Variants in NUAK2 observed in about 807,000 individuals in gnomAD.
NUAK2 encodes NUAK family SNF1-like kinase 2.
Under a neutral mutation model 29.8 loss-of-function variants are expected in NUAK2, and 20 were observed. That is an observed-to-expected ratio of 0.67 (90% CI 0.47 to 0.98). NUAK2 has a LOEUF of 0.98. Ranked by LOEUF, NUAK2 falls within the 50% of genes least tolerant of loss-of-function variation. NUAK2 has a pLI of 0.00. For synonymous variants in NUAK2, 331 were observed against 342.6 expected (o/e 0.97, Z 0.37); for missense variants, 719 against 834.5 (o/e 0.86, Z 1.71).
rs1473343737 is a variant in NUAK2, at chr1:205,308,222, A to G, written c.513T>C (p.Val171=). ...TCTCCAGCTTGAGATCTCGGTGGAC[A>G]ACTCTGTTCTGAAAGAAGGAGAGGG... The part of the protein sequence containing the change: ...SAVHYCHQNR[V]VHRDLKLENI... The change falls in exon 4 of 7, where the codon GTT becomes GTC. Residue 171 remains valine, a synonymous_variant. Coordinates refer to ENST00000367157, the MANE Select transcript of NUAK2 (RefSeq NM_030952.3). The surrounding 1 kb of genome is among the most constrained non-coding windows in gnomAD (Gnocchi z 4.1). 1.2e-6 allele frequency: 2 copies of G among 1,600,922 alleles called. No homozygotes were observed. The highest frequency in any genetic ancestry group is 1.7e-6 in the Non-Finnish European group (2 of 1,174,270).
rs11589331 is a variant in NUAK2 at position 205,304,656 on chromosome 1, A to T, written c.824-143T>A. On this transcript the variant is annotated intron_variant, in intron 6 of 6. Coordinates refer to ENST00000367157, the MANE Select transcript of NUAK2 (RefSeq NM_030952.3). This position sits in a 1 kb window ranked among gnomAD's most constrained non-coding sequence, Gnocchi z 6.5. Reference sequence around the variant, plus strand: ...CGTCCCTTCCAACCTAGGGCTCTATACATGCCTTGGCCCAGGACAGCTCCC... The same window carrying T: ...CGTCCCTTCCAACCTAGGGCTCTATTCATGCCTTGGCCCAGGACAGCTCCC... 1 of 710,854 alleles carries T rather than the reference A, an allele frequency of 1.4e-6. No individual in the cohort carries two copies. The allele number at this position is 710,854 out of a possible 1,614,324, so 44.0% of individuals were successfully genotyped here. A position where few individuals can be genotyped will look rare whatever the true frequency, so the allele number is the denominator to read the frequency against.
chr1:205,315,495 G>C (rs1282262475), intron 1 of NUAK2, among the ~76,000 whole-genome samples: 4 of 152,212 alleles, frequency 2.6e-5, no homozygotes, highest in Non-Finnish European at 5.9e-5. Flanking sequence ...CATGGGTGAA[G>C]TCCACCTCGG....
At chr1:205,306,484 G>A (rs562205356) in intron 4 of NUAK2, among the ~76,000 whole-genome samples, 177 bp from the exon 5 acceptor site, 4 of 152,290 alleles carry the variant, frequency 2.6e-5, no homozygotes, top group Admixed American at 1.3e-4. Flanking sequence ...CTGGAAGAAC[G>A]AACCCTGAGG....
intron 5 of NUAK2, chr1:205,305,594 C>G: frequency 1.2e-6 from 1 of 829,262 alleles, no homozygotes; most frequent in Non-Finnish European, 1.5e-6. Flanking sequence ...CTACATCACT[C>G]TCAGGAGGCT....
Position 205,304,149 on chromosome 1 carries a change from G to C in NUAK2, c.1188C>G (p.Ala396=). 1 of 1,614,154 alleles carries C rather than the reference G, an allele frequency of 6.2e-7. No individual in the cohort carries two copies. Among genetic ancestry groups the C allele is most frequent in the Non-Finnish European group, 8.5e-7 (1 of 1,180,014 alleles). ...SLHSDTADDT[A]HRPGKSNLKL... ...TGAGGTTGCTCTTGCCAGGGCGATG[G>C]GCAGTGTCATCAGCCGTGTCACTGT... The change falls in exon 7 of 7, where the codon GCC becomes GCG. Residue 396 remains alanine (A), a synonymous_variant. Transcript: ENST00000367157. The surrounding 1 kb of genome is among the most constrained non-coding windows in gnomAD (Gnocchi z 6.5).
At position 205,308,113 on chromosome 1, in the gene NUAK2, A is replaced by T; in HGVS notation, c.570+52T>A. The stretch of plus-strand genomic sequence containing the variant: ...AGAGCTACTTGGCTGGGGACAGTGC[A>T]GAAAAGCTGGGGTGGGCAAGGAGGC... On this transcript the variant is annotated intron_variant, in intron 4 of 6. Transcript: ENST00000367157. This position sits in a 1 kb window ranked among gnomAD's most constrained non-coding sequence, Gnocchi z 4.1. The T allele has an allele frequency of 1.6e-6, 2 of 1,276,364 alleles. No individual in the cohort carries two copies. Among genetic ancestry groups the T allele is most frequent in the Non-Finnish European group, 2.3e-6 (2 of 878,882 alleles). The allele number at this position is 1,276,364 out of a possible 1,614,324, so 79.1% of individuals were successfully genotyped here.
Position 205,311,808 on chromosome 1 carries a change from G to T in NUAK2, c.249C>A (p.Ile83=). 1 of 1,613,998 alleles carries T rather than the reference G, an allele frequency of 6.2e-7. No homozygotes were observed. Among genetic ancestry groups the T allele is most frequent in the Non-Finnish European group, 8.5e-7 (1 of 1,180,006 alleles). ...SSGRLVAIKS[I]RKDKIKDEQD... ...GCTCATCTTTGATTTTGTCCTTCCG[G>T]ATTGACTTGATGGCCACCTGGGAAG... Residue 83 remains isoleucine, a synonymous_variant, in exon 2 of 7, where the codon ATC becomes ATA. Transcript: ENST00000367157.
intron 1 of NUAK2, among the ~76,000 whole-genome samples, chr1:205,318,312 G>A (rs1002560271): frequency 6.6e-6 from 1 of 152,184 alleles, no homozygotes; most frequent in Non-Finnish European, 1.5e-5. Flanking sequence ...GAAAGACAGC[G>A]GGAGCTAACT....
intron 5 of NUAK2, 46 bp from the exon 6 acceptor site, chr1:205,305,377 G>A (rs766880555): frequency 6.3e-7 from 1 of 1,594,372 alleles, no homozygotes; most frequent in Non-Finnish European, 8.6e-7. Flanking sequence ...TACCAGACAG[G>A]AAAATGTTAC....
chr1:205,313,312 C>A (rs1252155213), intron 1 of NUAK2, among the ~76,000 whole-genome samples: 1 of 151,696 alleles, frequency 6.6e-6, no homozygotes, highest in Non-Finnish European at 1.5e-5. Context: ...CCTCCCCTGA[C>A]AACAAACAAC....
Position 205,303,161 on chromosome 1 carries a change from C to G in NUAK2, c.*289G>C, listed in dbSNP as rs180705035. 2 of 244,248 alleles carry G rather than the reference C, an allele frequency of 8.2e-6. No homozygotes were observed. Among genetic ancestry groups the G allele is most frequent in the Non-Finnish European group, 1.6e-5 (2 of 127,068 alleles). The allele number at this position is 244,248 out of a possible 1,614,324, so 15.1% of individuals were successfully genotyped here. ...AGTTCTCTTTCCAGGTCTCTGTGGC[C>G]CCCCCATGTACACAAGAAACAGGCA... On this transcript the variant is annotated 3_prime_UTR_variant, in exon 7 of 7. Transcript: ENST00000367157.
intron 1 of NUAK2, among the ~76,000 whole-genome samples, chr1:205,319,282 A>G (rs1243336564): frequency 6.6e-6 from 1 of 152,212 alleles, no homozygotes; most frequent in Admixed American, 6.5e-5. Flanking sequence ...GGCTTCCTAC[A>G]TAGAGCAAGA....
At chr1:205,318,107 CT>C (rs1468477065) in intron 1 of NUAK2, among the ~76,000 whole-genome samples, 1 of 152,230 alleles carries the variant, frequency 6.6e-6, no homozygotes, top group African/African-American at 2.4e-5. Context: ...GGTTGCACAG[CT>C]GGTAAGCAAT....
At chr1:205,307,497 T>C (rs576926966) in intron 4 of NUAK2, among the ~76,000 whole-genome samples, 15 of 152,284 alleles carry the variant, frequency 9.9e-5, no homozygotes, top group Admixed American at 2.6e-4. Context: ...GAAGAGACTA[T>C]GTCCTGGGTT....
chr1:205,304,448 C>T lies in NUAK2; in HGVS notation c.889G>A (p.Val297Met), dbSNP rs1187361511. ...CAGTTGACCCACCAGTGACTGGCCA[C>T]ATCCTCCAGGGTGGCCCGGCGGGTG... ...NPTRRATLED[V>M]ASHWWVNWGY... Residue 297 changes from valine to methionine, a missense_variant, in exon 7 of 7, where the codon GTG becomes ATG. This residue lies in a region of NUAK2 where 430 missense variants were observed against 465.7 expected (regional missense o/e 0.92). Transcript: ENST00000367157. The surrounding 1 kb of genome is among the most constrained non-coding windows in gnomAD (Gnocchi z 6.5). 2 of 1,565,670 alleles carry T rather than the reference C, an allele frequency of 1.3e-6. No homozygotes were observed. Among genetic ancestry groups the T allele is most frequent in the Non-Finnish European group, 1.7e-6 (2 of 1,153,876 alleles).
intron 4 of NUAK2, 33 bp from the exon 5 acceptor site, chr1:205,306,340 A>T: frequency 1.3e-6 from 2 of 1,589,466 alleles, no homozygotes; most frequent in Non-Finnish European, 1.7e-6. Flanking sequence ...GGCACAGGTC[A>T]TGTCAAGGCC....
rs1218125956 is a variant in NUAK2, at chr1:205,303,635, G to A, written c.1702C>T (p.Leu568=). ...DLPERLPEPP[L]RGCVSVDNLT... Reference sequence around the variant, plus strand: ...TTGTCCACAGACACACAGCCCCGCAGTGGGGGCTCTGGGAGCCGTTCAGGC... The same window carrying A: ...TTGTCCACAGACACACAGCCCCGCAATGGGGGCTCTGGGAGCCGTTCAGGC... Residue 568 remains leucine (L), a synonymous_variant, in exon 7 of 7, where the codon CTG becomes TTG. Coordinates refer to ENST00000367157, the MANE Select transcript of NUAK2 (RefSeq NM_030952.3). 1.3e-6 allele frequency: 2 copies of A among 1,595,378 alleles called. No homozygotes were observed. Among genetic ancestry groups the A allele is most frequent in the African/African-American group, 2.7e-5 (2 of 74,082 alleles).
chr1:205,311,501 T>C (rs1316106085), intron 2 of NUAK2, among the ~76,000 whole-genome samples: 2 of 152,202 alleles, frequency 1.3e-5, no homozygotes, highest in Non-Finnish European at 2.9e-5. Context: ...ATTTTATAAA[T>C]GAGGAACTGA....
chr1:205,303,713 C>G lies in NUAK2; in HGVS notation c.1624G>C (p.Ala542Pro). 1 of 1,540,130 alleles carries G rather than the reference C, an allele frequency of 6.5e-7. No homozygotes were observed. The highest frequency in any genetic ancestry group is 8.7e-7 in the Non-Finnish European group (1 of 1,145,170). ...PLARASRPSG[A>P]VSEDSILSSE... ...GACAGGATGCTGTCCTCGCTCACAG[C>G]CCCTGAGGGTCGGCTGGCCCGGGCC... The change falls in exon 7 of 7, where the codon GCT (alanine) becomes CCT (proline). Residue 542 changes from alanine (A) to proline (P), a missense_variant. Around this residue, in one of 3 missense-constraint regions of NUAK2, gnomAD observed 430 missense variants for 465.7 expected, o/e 0.92. Coordinates refer to ENST00000367157, the MANE Select transcript of NUAK2 (RefSeq NM_030952.3).
Sources: allele counts gnomAD v4.1 joint callset (sites outside exome capture counted in the v4.1 genomes callset), GRCh38; gene constraint gnomAD v4.1.1; regional missense constraint gnomAD v4.1.1; non-coding constraint Gnocchi (gnomAD v3.1); transcripts MANE v1.5; gene names NCBI Gene and HGNC (gene_info 2026-07-23, HGNC 2026-07-21).